SLC25A21: variants seen among roughly 807,000 people sequenced by gnomAD.
SLC25A21 encodes solute carrier family 25 member 21.
In SLC25A21, 47 loss-of-function variants were observed where a neutral mutation model predicts 43.8. The observed-to-expected ratio is 1.07, with a 90% CI of 0.85 to 1.37. SLC25A21 has a LOEUF of 1.37. SLC25A21 is among the 40% of genes most tolerant of loss of function. The pLI is 0.00. For missense variants in SLC25A21, 352 were observed against 350.2 expected, an observed-to-expected ratio of 1.00 and a Z score of -0.04; for synonymous variants, 131 against 121.3, an observed-to-expected ratio of 1.08 and a Z score of -0.52.
intron 1 of SLC25A21, among the ~76,000 whole-genome samples, chr14:36,958,710 C>T (rs1959409759): frequency 6.9e-6 from 1 of 145,548 alleles, no homozygotes; most frequent in Non-Finnish European, 1.5e-5. Flanking sequence ...CACACACACA[C>T]ACACACACAT....
chr14:36,840,401 ATAAC>A (rs955213218), intron 2 of SLC25A21, among the ~76,000 whole-genome samples: 8 of 152,212 alleles, frequency 5.3e-5, no homozygotes, highest in Admixed American at 6.5e-5. Flanking sequence ...CTGCAGCAAA[ATAAC>A]TGTTATGTTA....
intron 1 of SLC25A21, among the ~76,000 whole-genome samples, chr14:37,067,593 C>G (rs560923471): frequency 6.6e-6 from 1 of 151,946 alleles, no homozygotes; most frequent in Non-Finnish European, 1.5e-5. Flanking sequence ...ATCTGAGATG[C>G]AAGAAGTAAT....
intron 1 of SLC25A21, among the ~76,000 whole-genome samples, chr14:36,951,765 G>T (rs1238980823): frequency 6.6e-6 from 1 of 152,038 alleles, no homozygotes; most frequent in Non-Finnish European, 1.5e-5. Context: ...TCTAATACAG[G>T]CTTCTAGGTT....
intron 1 of SLC25A21, among the ~76,000 whole-genome samples, chr14:36,924,542 G>A (rs1892076494): frequency 6.6e-6 from 1 of 152,024 alleles, no homozygotes; most frequent in African/African-American, 2.4e-5. Flanking sequence ...GGGGAGAGGG[G>A]GGAGGGATAG....
chr14:37,114,935 T>C (rs1963080933), intron 1 of SLC25A21, among the ~76,000 whole-genome samples: 1 of 152,188 alleles, frequency 6.6e-6, no homozygotes, highest in Admixed American at 6.6e-5. Flanking sequence ...AATCCTCTTA[T>C]GTACATACCT....
chr14:36,700,231 C>T (rs956287650), intron 7 of SLC25A21, among the ~76,000 whole-genome samples: 2 of 152,168 alleles, frequency 1.3e-5, no homozygotes, highest in Non-Finnish European at 2.9e-5. Flanking sequence ...ATTCTTCCTC[C>T]CTTCCTTTCC....
chr14:36,870,523 C>T (rs906446086), intron 2 of SLC25A21: 5 of 152,152 alleles, frequency 3.3e-5, no homozygotes, highest in African/African-American at 9.7e-5. Flanking sequence ...TTCTGTGAGT[C>T]TCTTTCCTTG....
chr14:37,118,919 A>G (rs914233305), intron 1 of SLC25A21, among the ~76,000 whole-genome samples: 2 of 152,248 alleles, frequency 1.3e-5, no homozygotes. Flanking sequence ...TAGGCATTCT[A>G]AGTCACAGGA....
chr14:37,040,333 G>GA lies in SLC25A21; in HGVS notation c.70+131947dup, dbSNP rs1183542600. Among the ~76,000 whole-genome samples, 27 of 59,490 alleles carry GA rather than the reference G, an allele frequency of 4.5e-4. 7 individuals carry two copies. Among genetic ancestry groups the GA allele is most frequent in the East Asian group, 4.0e-3 (8 of 2,008 alleles). 39.0% of individuals were successfully genotyped at this position (59,490 alleles called of 152,430 possible). Reference sequence around the variant, plus strand: ...GAAAGGAAGAAAGGAAGAGGGGAAGGAAGGAAGGAAGGAAGGAAGGAAAGA... The same window carrying GA: ...GAAAGGAAGAAAGGAAGAGGGGAAGGAAAGGAAGGAAGGAAGGAAGGAAAGA... On this transcript the variant is annotated intron_variant, in intron 1 of 9. Coordinates refer to ENST00000331299, the MANE Select transcript of SLC25A21 (RefSeq NM_030631.4).
At chr14:37,068,597 T>C (rs972029962) in intron 1 of SLC25A21, among the ~76,000 whole-genome samples, 1 of 152,212 alleles carries the variant, frequency 6.6e-6, no homozygotes, top group African/African-American at 2.4e-5. Context: ...ATTTTGTAAA[T>C]TGATTTAAAT....
At chr14:36,787,572 A>C (rs564434723) in intron 3 of SLC25A21, among the ~76,000 whole-genome samples, 1 of 152,220 alleles carries the variant, frequency 6.6e-6, no homozygotes, top group Non-Finnish European at 1.5e-5. Flanking sequence ...AAGAGTGAAT[A>C]TATACAGCCC....
At chr14:36,913,914 G>A (rs893182081) in intron 1 of SLC25A21, among the ~76,000 whole-genome samples, 5 of 152,268 alleles carry the variant, frequency 3.3e-5, no homozygotes, top group Admixed American at 1.3e-4. Flanking sequence ...AGTATGAATA[G>A]ACTAAGAAAT....
intron 2 of SLC25A21, among the ~76,000 whole-genome samples, chr14:36,854,450 G>A (rs1566677262): frequency 1.3e-5 from 2 of 152,056 alleles, no homozygotes; most frequent in East Asian, 3.9e-4. Flanking sequence ...TTGAATTCTG[G>A]CTCTCTCCTT....
At chr14:37,081,717 C>T (rs1052032537) in intron 1 of SLC25A21, among the ~76,000 whole-genome samples, 4 of 152,144 alleles carry the variant, frequency 2.6e-5, no homozygotes, top group Admixed American at 6.5e-5. Flanking sequence ...TTATTGTGCA[C>T]TTCAACTACC....
chr14:36,944,726 C>T (rs1892641847), intron 1 of SLC25A21, among the ~76,000 whole-genome samples: 1 of 152,130 alleles, frequency 6.6e-6, no homozygotes, highest in African/African-American at 2.4e-5. Flanking sequence ...TCACATTTTT[C>T]CCTTTCTCAC....
chr14:37,034,180 C>T (rs1168266416), intron 1 of SLC25A21, among the ~76,000 whole-genome samples: 1 of 152,038 alleles, frequency 6.6e-6, no homozygotes, highest in Non-Finnish European at 1.5e-5. Flanking sequence ...CTACGCCCAG[C>T]TAATTTTTTG....
At chr14:36,881,837 T>C (rs1308930734) in intron 1 of SLC25A21, among the ~76,000 whole-genome samples, 1 of 152,148 alleles carries the variant, frequency 6.6e-6, no homozygotes. Context: ...GGAAGGGATG[T>C]AGAAGACAAG....
At chr14:36,727,887 A>T (rs1177668830) in intron 5 of SLC25A21, among the ~76,000 whole-genome samples, 1 of 152,174 alleles carries the variant, frequency 6.6e-6, no homozygotes, top group African/African-American at 2.4e-5. Context: ...GGAAAAAAAA[A>T]TACTAGTCCC....
At chr14:37,116,386 C>A (rs1332271378) in intron 1 of SLC25A21, among the ~76,000 whole-genome samples, 1 of 152,148 alleles carries the variant, frequency 6.6e-6, no homozygotes, top group Non-Finnish European at 1.5e-5. Flanking sequence ...ACTTAAGATA[C>A]AATGGTACTA....
Sources: allele counts gnomAD v4.1 joint callset (sites outside exome capture counted in the v4.1 genomes callset), GRCh38; gene constraint gnomAD v4.1.1; transcripts MANE v1.5; gene names NCBI Gene and HGNC (gene_info 2026-07-23, HGNC 2026-07-21).